FSTL4: variants seen among roughly 807,000 people sequenced by gnomAD.
FSTL4 encodes follistatin like 4, also known as follistatin-related protein 4.
In FSTL4, 28 loss-of-function variants were observed where a neutral mutation model predicts 78.2. The observed-to-expected ratio is 0.36, with a 90% confidence interval of 0.27 to 0.49. The LOEUF is 0.49. Ranked by LOEUF, FSTL4 falls within the 20% of genes least tolerant of loss-of-function variation. The pLI is 0.98. For synonymous variants in FSTL4, 422 were observed against 440.5 expected (o/e 0.96, Z 0.53); for missense variants, 922 against 1,084.9 (o/e 0.85, Z 2.11).
intron 15 of FSTL4, 111 bp downstream of exon 15, chr5:133,201,822 T>A: frequency 1.6e-6 from 1 of 617,366 alleles, no homozygotes; most frequent in Non-Finnish European, 2.9e-6. Flanking sequence ...AAATCCAGCA[T>A]GGGAGTGGAG....
At chr5:133,472,320 A>G (rs1023068634) in intron 3 of FSTL4, among the ~76,000 whole-genome samples, 1 of 152,210 alleles carries the variant, frequency 6.6e-6, no homozygotes, top group African/African-American at 2.4e-5. Context: ...ACACTTTCTC[A>G]GGAAATAACA....
chr5:133,217,417 C>A, intron 12 of FSTL4, 39 bp from the exon 13 acceptor site: 1 of 1,591,764 alleles, frequency 6.3e-7, no homozygotes. Context: ...TTCTTAATTG[C>A]CCTTTCCCTC....
chr5:133,309,747 C>T (rs1286929769), intron 6 of FSTL4, among the ~76,000 whole-genome samples: 1 of 152,194 alleles, frequency 6.6e-6, no homozygotes, highest in Non-Finnish European at 1.5e-5. Context: ...AACCCATCAT[C>T]CTTTAGTAAA....
upstream of FSTL4, among the ~76,000 whole-genome samples, chr5:133,616,008 C>T (rs1442856154): frequency 2.0e-5 from 3 of 152,166 alleles, no homozygotes; most frequent in African/African-American, 4.8e-5. Context: ...AGCAAACTCA[C>T]AGGGGCTGGA....
At chr5:133,759,718 G>A in the FSTL4 span, among the ~76,000 whole-genome samples, 4 of 152,292 alleles carry the variant, frequency 2.6e-5, no homozygotes, top group East Asian at 1.9e-4. Context: ...TATTCATGCC[G>A]TGGGATATTT....
intron 3 of FSTL4, among the ~76,000 whole-genome samples, chr5:133,522,069 A>G (rs138006221): frequency 2.0e-5 from 3 of 152,246 alleles, no homozygotes; most frequent in East Asian, 3.9e-4. Flanking sequence ...AGGCCCTCAG[A>G]GTTCCCCACA....
intron 2 of FSTL4, among the ~76,000 whole-genome samples, chr5:133,597,948 C>G (rs1760771790): frequency 1.3e-5 from 2 of 152,054 alleles, no homozygotes; most frequent in Non-Finnish European, 2.9e-5. Context: ...GAATTTAAAA[C>G]CACCTACAGA....
At chr5:133,685,921 C>T in the FSTL4 span, among the ~76,000 whole-genome samples, 2 of 152,190 alleles carry the variant, frequency 1.3e-5, no homozygotes, top group African/African-American at 4.8e-5. Flanking sequence ...TCTTATTCGC[C>T]ACACAATCTC....
In FSTL4 at chr5:133,338,231, G is replaced by C. The variant is rs2074384776; in HGVS notation, c.410-21579C>G. On this transcript the variant is annotated intron_variant, in intron 4 of 15. Coordinates refer to ENST00000265342, the MANE Select transcript of FSTL4 (RefSeq NM_015082.2). The surrounding 1 kb of genome is among the most constrained non-coding windows in gnomAD (Gnocchi z 4.0). Reference sequence around the variant, plus strand: ...GGCCCTGATGACCCCCCGGGTGTGTGCCCCTATTCCTGTCTGCTCCATGCT... The same window carrying C: ...GGCCCTGATGACCCCCCGGGTGTGTCCCCCTATTCCTGTCTGCTCCATGCT... Among the ~76,000 whole-genome samples the C allele has an allele frequency of 6.6e-6, 1 of 152,148 alleles. No individual in the cohort carries two copies. Among genetic ancestry groups the C allele is most frequent in the Non-Finnish European group, 1.5e-5 (1 of 68,030 alleles).
chr5:133,498,148 G>A (rs752194329), intron 3 of FSTL4, among the ~76,000 whole-genome samples: 1 of 152,218 alleles, frequency 6.6e-6, no homozygotes, highest in Non-Finnish European at 1.5e-5. Context: ...GAGACTTCCA[G>A]ATAAATCCTC....
At chr5:133,599,729 G>A (rs407758) in intron 2 of FSTL4, among the ~76,000 whole-genome samples, 46,694 of 151,950 alleles carry the variant, frequency 0.31, 7,228 homozygotes, top group East Asian at 0.35. Context: ...CGACACCCAG[G>A]CCCCAAAAGT....
Position 133,437,533 on chromosome 5 carries a change from A to G in FSTL4, c.161-36547T>C, listed in dbSNP as rs572382844. ...GAGATAGAGTCTCACCCTGTTGCCC[A>G]GGCTGGAGTGCAATGGTGCAATCTT... On this transcript the variant is annotated intron_variant, in intron 3 of 15. Coordinates refer to ENST00000265342, the MANE Select transcript of FSTL4 (RefSeq NM_015082.2). Among the ~76,000 whole-genome samples the G allele has an allele frequency of 5.0e-3, 594 of 118,078 alleles. 4 individuals are homozygous for G. Among genetic ancestry groups the G allele is most frequent in the Non-Finnish European group, 7.4e-3 (457 of 61,602 alleles). The allele number at this position is 118,078 out of a possible 152,430, so 77.5% of individuals were successfully genotyped here. A position where few individuals can be genotyped will look rare whatever the true frequency, so the allele number is the denominator to read the frequency against.
intron 6 of FSTL4, among the ~76,000 whole-genome samples, chr5:133,277,520 A>T (rs1752910447): frequency 6.6e-6 from 1 of 152,216 alleles, no homozygotes; most frequent in African/African-American, 2.4e-5. Flanking sequence ...CTATCTAAAA[A>T]ATAACTGAAA....
chr5:133,661,803 C>T, the FSTL4 span, among the ~76,000 whole-genome samples: 5 of 152,194 alleles, frequency 3.3e-5, no homozygotes, highest in Non-Finnish European at 5.9e-5. Flanking sequence ...GAGGGCATTA[C>T]AACAGATTCT....
At chr5:133,373,626 T>C (rs1755368684) in intron 4 of FSTL4, among the ~76,000 whole-genome samples, 1 of 152,218 alleles carries the variant, frequency 6.6e-6, no homozygotes. Context: ...TGTGGGATGC[T>C]GGCCCCACAC....
At chr5:133,373,519 C>G (rs1281776913) in intron 4 of FSTL4, among the ~76,000 whole-genome samples, 2 of 152,192 alleles carry the variant, frequency 1.3e-5, no homozygotes, top group East Asian at 1.9e-4. Context: ...AAGAAGGAAC[C>G]AGTGTGAACA....
intron 4 of FSTL4, among the ~76,000 whole-genome samples, chr5:133,383,727 A>G (rs540278413): frequency 6.6e-6 from 1 of 152,210 alleles, no homozygotes; most frequent in Admixed American, 6.5e-5. Context: ...AGGCTCCCCC[A>G]TGCTCCAGTC....
intron 3 of FSTL4, among the ~76,000 whole-genome samples, chr5:133,435,211 G>A (rs566514211): frequency 2.0e-5 from 3 of 152,224 alleles, no homozygotes; most frequent in Non-Finnish European, 4.4e-5. Flanking sequence ...GGTCTTTTAT[G>A]ATTTTATGTG....
At chr5:133,221,914 T>TTTTGTTG (rs1751141269) in intron 11 of FSTL4, among the ~76,000 whole-genome samples, 1 of 117,096 alleles carries the variant, frequency 8.5e-6, no homozygotes, top group Admixed American at 8.2e-5. Flanking sequence ...TTTTTTTTTT[T>TTTTGTTG]TTTTTTTTTT....
Sources: gnomAD v4.1 joint callset for allele counts (sites outside exome capture counted in the v4.1 genomes callset) on GRCh38, gnomAD v4.1.1 for gene constraint, Gnocchi (gnomAD v3.1) non-coding constraint, MANE v1.5 for transcripts, NCBI Gene and HGNC (gene_info 2026-07-23, HGNC 2026-07-21) for gene names.